Variants in RNF141 observed in about 807,000 individuals in gnomAD.
RNF141 encodes ring finger protein 141.
RNF141 carries 18 observed loss-of-function variants against 27.4 expected under a neutral mutation model. The ratio of observed to expected loss-of-function variants is 0.66; its 90% CI spans 0.45 to 0.97. The LOEUF is 0.97. Ranked by LOEUF, RNF141 falls within the 50% of genes least tolerant of loss-of-function variation. The pLI is 0.00. For missense variants in RNF141, 230 were observed against 279.4 expected (o/e 0.82, Z 1.26); for synonymous variants, 97 against 96.6 (o/e 1.00, Z -0.02).
intron 1 of RNF141, among the ~76,000 whole-genome samples, chr11:10,540,543 A>G (rs557991418): frequency 6.6e-6 from 1 of 152,238 alleles, no homozygotes; most frequent in Non-Finnish European, 1.5e-5. Flanking sequence ...GGTAGCAGCT[A>G]GTTTGACAAG....
chr11:10,535,908 T>C (rs936580129), intron 1 of RNF141, among the ~76,000 whole-genome samples: 2 of 152,130 alleles, frequency 1.3e-5, no homozygotes, highest in African/African-American at 2.4e-5. Context: ...AGACTGGTAT[T>C]AGGGAGCCAC....
At chr11:10,523,736 CTG>C (rs1286267105) in intron 4 of RNF141, among the ~76,000 whole-genome samples, 3 of 93,470 alleles carry the variant, frequency 3.2e-5, no homozygotes, top group East Asian at 4.3e-4. Flanking sequence ...ATTAAGAAGA[CTG>C]TAACAAGAAA....
chr11:10,525,076 A>G, intron 4 of RNF141, 116 bp downstream of exon 4: 2 of 618,606 alleles, frequency 3.2e-6, no homozygotes, highest in Non-Finnish European at 4.7e-6. Context: ...TACAATACCA[A>G]CTGAGAAAAA....
intron 3 of RNF141, among the ~76,000 whole-genome samples, chr11:10,528,556 G>A (rs115483585): frequency 0.014 from 2,114 of 152,240 alleles, 43 homozygotes; most frequent in African/African-American, 0.048. Flanking sequence ...AACAAAAAAC[G>A]AAGGGATGAA....
At chr11:10,522,774 T>C (rs1190086280) in intron 4 of RNF141, among the ~76,000 whole-genome samples, 2 of 152,220 alleles carry the variant, frequency 1.3e-5, no homozygotes, top group Admixed American at 6.5e-5. Flanking sequence ...AGACAAATTA[T>C]TATGTGTCAA....
At chr11:10,533,789 C>T (rs979752039) in intron 2 of RNF141, among the ~76,000 whole-genome samples, 1 of 152,100 alleles carries the variant, frequency 6.6e-6, no homozygotes, top group Non-Finnish European at 1.5e-5. Context: ...TGCTGTGTTC[C>T]AAGTTCCATT....
At chr11:10,534,748 A>G (rs1042253244) in intron 1 of RNF141, among the ~76,000 whole-genome samples, 2 of 152,136 alleles carry the variant, frequency 1.3e-5, no homozygotes, top group Non-Finnish European at 2.9e-5. Context: ...GTGAACTCTG[A>G]ATTTGTTTTT....
rs568148388 is a variant in RNF141, at chr11:10,528,938, T to C, written c.252+1705A>G. Among the ~76,000 whole-genome samples the C allele has an allele frequency of 3.9e-5, 6 of 152,306 alleles. No homozygotes were observed. The East Asian group carries it at 7.7e-4, about 20-fold the overall frequency. The stretch of plus-strand genomic sequence containing the variant: ...ATTATAAAGTATAAATAATGTGCTG[T>C]TGGAATCTGGAAGAGACAAGAGAAC... On this transcript the variant is annotated intron_variant, in intron 3 of 5. Transcript: ENST00000265981.
intron 4 of RNF141, among the ~76,000 whole-genome samples, chr11:10,522,471 G>A (rs963225618): frequency 1.3e-5 from 2 of 152,204 alleles, no homozygotes; most frequent in Non-Finnish European, 2.9e-5. Context: ...ATCACCTGTA[G>A]ATTGGAATAT....
intron 3 of RNF141, among the ~76,000 whole-genome samples, chr11:10,527,176 T>A (rs556421084): frequency 6.6e-6 from 1 of 152,354 alleles, no homozygotes; most frequent in East Asian, 1.9e-4. Context: ...CTATGTGCAC[T>A]GCTCTAGGCA....
At chr11:10,540,085 C>T (rs1386739431) in intron 1 of RNF141, among the ~76,000 whole-genome samples, 5 of 152,110 alleles carry the variant, frequency 3.3e-5, no homozygotes, top group East Asian at 1.9e-4. Flanking sequence ...ACTTCTCAGA[C>T]GGGTGACTTC....
chr11:10,520,105 C>G (rs1231614994), intron 4 of RNF141, among the ~76,000 whole-genome samples: 2 of 152,234 alleles, frequency 1.3e-5, no homozygotes, highest in East Asian at 3.8e-4. Context: ...TAGGACATTA[C>G]TGTATAGCAC....
chr11:10,515,802 T>A (rs1364442456), intron 5 of RNF141: 1 of 152,206 alleles, frequency 6.6e-6, no homozygotes, highest in Non-Finnish European at 1.5e-5. Flanking sequence ...CTATGGCTCA[T>A]AAGCAACAGG....
At position 10,525,362 on chromosome 11, in the gene RNF141, G is replaced by A. The variant is rs996633571; in HGVS notation, c.264C>T (p.Ser88=). 1 of 1,554,002 alleles carries A rather than the reference G, an allele frequency of 6.4e-7. No homozygotes were observed. ...VRVVCTKINK[S]SGIVEASRIM... ...TCCGTGATGCCTCCACAATGCCACT[G>A]CTTTTGTTAATCTAAAAATACAAAG... The change falls in exon 4 of 6, where the codon AGC becomes AGT. Residue 88 remains serine (S), a synonymous_variant. Coordinates refer to ENST00000265981, the MANE Select transcript of RNF141 (RefSeq NM_016422.4).
chr11:10,513,122 G>A lies in RNF141; in HGVS notation c.*1794C>T, dbSNP rs1849815023. The A allele has an allele frequency of 6.6e-6, 1 of 152,228 alleles. No homozygotes were observed. The allele number at this position is 152,228 out of a possible 1,614,324, so 9.4% of individuals were successfully genotyped here. ...ACCAAGTGCATTGCCAGGTTGATAT[G>A]ATGGAACCCCTGGTACTCTGCTTGC... On this transcript the variant is annotated 3_prime_UTR_variant, in exon 6 of 6. Coordinates refer to ENST00000265981, the MANE Select transcript of RNF141 (RefSeq NM_016422.4).
intron 3 of RNF141, among the ~76,000 whole-genome samples, chr11:10,528,418 T>C (rs1266325631): frequency 6.6e-6 from 1 of 152,224 alleles, no homozygotes; most frequent in East Asian, 1.9e-4. Flanking sequence ...TTTAGTACTT[T>C]TGTTTCTCTA....
In RNF141 at chr11:10,534,185, G is replaced by C. The variant is rs1457517284; in HGVS notation, c.-27C>G. On this transcript the variant is annotated 5_prime_UTR_variant, in exon 2 of 6. Coordinates refer to ENST00000265981, the MANE Select transcript of RNF141 (RefSeq NM_016422.4). Reference sequence around the variant, plus strand: ...ATGAAAAGATGTCTTTCAAAATCCAGAGTGTTGCTTCACATAGTTTCTGTC... The same window carrying C: ...ATGAAAAGATGTCTTTCAAAATCCACAGTGTTGCTTCACATAGTTTCTGTC... 6.2e-7 allele frequency: 1 copy of C among 1,609,380 alleles called. No homozygotes were observed. The highest frequency in any genetic ancestry group is 2.2e-5 in the East Asian group (1 of 44,754).
chr11:10,525,352 C>A lies in RNF141; in HGVS notation c.274G>T (p.Val92Leu). 1.3e-6 allele frequency: 2 copies of A among 1,586,748 alleles called. No homozygotes were observed. The highest frequency in any genetic ancestry group is 1.7e-6 in the Non-Finnish European group (2 of 1,166,628). The change falls in exon 4 of 6, where the codon GTG becomes TTG. Residue 92 changes from valine to leucine, a missense_variant. By Grantham distance (32) the Val-to-Leu change is conservative. Transcript: ENST00000265981. ...CTKINKSSGI[V>L]EASRIMNLYQ... ...AAATTCATGATCCGTGATGCCTCCA[C>A]AATGCCACTGCTTTTGTTAATCTAA...
In RNF141 at chr11:10,511,941, G is replaced by A. The variant is rs1423387638; in HGVS notation, c.*2975C>T. On this transcript the variant is annotated 3_prime_UTR_variant, in exon 6 of 6. Coordinates refer to ENST00000265981, the MANE Select transcript of RNF141 (RefSeq NM_016422.4). Reference sequence around the variant, plus strand: ...TCTTCAATTAGCTAAAATCACTTGCGAAAGATTATTTATTGCACAATTTAT... The same window carrying A: ...TCTTCAATTAGCTAAAATCACTTGCAAAAGATTATTTATTGCACAATTTAT... 2.0e-5 allele frequency: 3 copies of A among 152,614 alleles called. No homozygotes were observed. Among genetic ancestry groups the A allele is most frequent in the African/African-American group, 7.2e-5 (3 of 41,544 alleles). 9.5% of individuals were successfully genotyped at this position (152,614 alleles called of 1,614,324 possible). A position where few individuals can be genotyped will look rare whatever the true frequency, so the allele number is the denominator to read the frequency against.
Sources: allele counts gnomAD v4.1 joint callset (sites outside exome capture counted in the v4.1 genomes callset), GRCh38; gene constraint gnomAD v4.1.1; transcripts MANE v1.5; gene names NCBI Gene and HGNC (gene_info 2026-07-23, HGNC 2026-07-21).